ALPK2: variants seen among roughly 807,000 people sequenced by gnomAD.
The protein encoded by ALPK2 is alpha kinase 2.
In ALPK2, 127 loss-of-function variants were observed where a neutral mutation model predicts 163.1. The ratio of observed to expected loss-of-function variants is 0.78; its 90% CI spans 0.67 to 0.90. ALPK2 has a LOEUF of 0.90. Among genes scored for constraint, ALPK2 ranks in the 40% least tolerant of loss-of-function variants. The pLI is 0.00. For synonymous variants in ALPK2, 953 were observed against 959.1 expected, an observed-to-expected ratio of 0.99 and a Z score of 0.12; for missense variants, 2,360 against 2,589.6, an observed-to-expected ratio of 0.91 and a Z score of 1.92.
At position 58,537,832 on chromosome 18, in the gene ALPK2, G is replaced by C; in HGVS notation, c.2355C>G (p.Ala785=). The change falls in exon 5 of 13, where the codon GCC becomes GCG. Residue 785 remains alanine, a synonymous_variant. Coordinates refer to ENST00000361673, the MANE Select transcript of ALPK2 (RefSeq NM_052947.4). ...CATCACACACATTTTCCAGGGTGAG[G>C]GCAGTATCTGTGGGTTCAGGGGAAG... ...SVASPEPTDT[A]LTLENVCDEP... is the part of the protein sequence containing the mutation. 5.0e-6 allele frequency: 8 copies of C among 1,614,092 alleles called. No homozygotes were observed. The highest frequency in any genetic ancestry group is 6.8e-6 in the Non-Finnish European group (8 of 1,180,022).
At chr18:58,485,532 A>G (rs1295470446) in intron 12 of ALPK2, among the ~76,000 whole-genome samples, 1 of 152,214 alleles carries the variant, frequency 6.6e-6, no homozygotes, top group Non-Finnish European at 1.5e-5. Flanking sequence ...GCCTTGGGAA[A>G]AATGACTTGG....
At position 58,537,734 on chromosome 18, in the gene ALPK2, G is replaced by C. The variant is rs2051661454; in HGVS notation, c.2453C>G (p.Thr818Ser). 6.2e-7 allele frequency: 1 copy of C among 1,613,988 alleles called. No homozygotes were observed. The highest frequency in any genetic ancestry group is 1.3e-5 in the African/African-American group (1 of 74,912). Reference protein sequence around the residue: ...EAGDQGTCFDTIDSLVGRPVD... With the variant: ...EAGDQGTCFDSIDSLVGRPVD... ...TGGTCTCCCAACAAGAGAATCTATG[G>C]TATCAAAACACGTTCCTTGGTCACC... The change falls in exon 5 of 13, where the codon ACC (threonine) becomes AGC (serine). Residue 818 changes from threonine (T) to serine (S), a missense_variant. Thr to Ser is a moderately conservative substitution (Grantham distance 58). Transcript: ENST00000361673.
chr18:58,503,663 T>C (rs1002217948), intron 11 of ALPK2, among the ~76,000 whole-genome samples: 10 of 152,180 alleles, frequency 6.6e-5, no homozygotes, highest in African/African-American at 2.4e-4. Context: ...CGTGCCACTG[T>C]ACTCCAGCCT....
intron 4 of ALPK2, among the ~76,000 whole-genome samples, chr18:58,562,307 A>T (rs2051829476): frequency 6.6e-6 from 1 of 152,250 alleles, no homozygotes; most frequent in Non-Finnish European, 1.5e-5. Context: ...GACCTATAGA[A>T]GTTGAGATGA....
At chr18:58,515,230 T>A in intron 9 of ALPK2, 149 bp from the exon 10 acceptor site, 2 of 546,130 alleles carry the variant, frequency 3.7e-6, no homozygotes, top group Non-Finnish European at 6.3e-6. Flanking sequence ...AGGCAACGAT[T>A]ATTAGAACCT....
chr18:58,528,853 T>G, intron 6 of ALPK2: 1 of 503,334 alleles, frequency 2.0e-6, no homozygotes, highest in Non-Finnish European at 3.5e-6. Context: ...AAAGGTTGTG[T>G]GACTTCCCAA....
At chr18:58,522,457 C>T (rs1387654675) in intron 8 of ALPK2, among the ~76,000 whole-genome samples, 2 of 152,308 alleles carry the variant, frequency 1.3e-5, no homozygotes, top group East Asian at 3.9e-4. Context: ...ACACAGATTC[C>T]ACCAAACTGT....
chr18:58,526,563 G>T (rs540254311), intron 6 of ALPK2, among the ~76,000 whole-genome samples: 6 of 152,262 alleles, frequency 3.9e-5, no homozygotes, highest in Admixed American at 3.9e-4. Context: ...AACTCAGAAG[G>T]ACCTCTCTCC....
intron 4 of ALPK2, among the ~76,000 whole-genome samples, chr18:58,575,463 T>TTACTGTACACTTGTGATCCC (rs2051915563): frequency 6.6e-6 from 1 of 152,184 alleles, no homozygotes; most frequent in African/African-American, 2.4e-5. Context: ...ACACATTTCC[T>TTACTGTACACTTGTGATCCC]TACTGTACAC....
intron 12 of ALPK2, among the ~76,000 whole-genome samples, chr18:58,490,948 C>T (rs2051371464): frequency 1.3e-5 from 2 of 152,118 alleles, no homozygotes; most frequent in Admixed American, 6.5e-5. Context: ...ACAGTCCATT[C>T]GTTAGTATCT....
At chr18:58,569,299 C>T (rs537023721) in intron 4 of ALPK2, among the ~76,000 whole-genome samples, 15 of 152,312 alleles carry the variant, frequency 9.8e-5, no homozygotes, top group Non-Finnish European at 1.6e-4. Context: ...GAGCTTCCAA[C>T]GCCCACACTG....
chr18:58,580,012 T>C lies in ALPK2; in HGVS notation c.764A>G (p.Glu255Gly), dbSNP rs2051948405. The change falls in exon 4 of 13, where the codon GAA becomes GGA. Residue 255 changes from glutamate (E) to glycine (G), a missense_variant. Physicochemically the swap from Glu to Gly is moderately conservative, Grantham distance 98. Transcript: ENST00000361673. ...ATTTTGCTGACTAGAGCGTAAGCCT[T>C]CATCATGAGGACCATCATTGTTCAG... ...GDLNNDGPHD[E>G]GLRSSQQNPK... The C allele has an allele frequency of 1.2e-6, 2 of 1,614,244 alleles. No individual in the cohort carries two copies. The highest frequency in any genetic ancestry group is 1.7e-6 in the Non-Finnish European group (2 of 1,180,036).
chr18:58,493,143 G>T (rs1478498859), intron 12 of ALPK2, among the ~76,000 whole-genome samples: 1 of 152,124 alleles, frequency 6.6e-6, no homozygotes, highest in Admixed American at 6.5e-5. Flanking sequence ...GCTATCTGGG[G>T]CATAAAATTG....
intron 11 of ALPK2, among the ~76,000 whole-genome samples, chr18:58,500,253 A>AC (rs1288862488): frequency 0.016 from 1,951 of 118,568 alleles, 33 homozygotes; most frequent in African/African-American, 0.053. Flanking sequence ...AAAAAAAAAA[A>AC]ACCCACCAAA....
At chr18:58,504,840 G>T (rs956221259) in intron 10 of ALPK2, among the ~76,000 whole-genome samples, 2 of 152,084 alleles carry the variant, frequency 1.3e-5, no homozygotes, top group South Asian at 2.1e-4. Flanking sequence ...TTGAGTAGAG[G>T]CCTATAGGAA....
intron 8 of ALPK2, among the ~76,000 whole-genome samples, chr18:58,518,923 A>T (rs2051535771): frequency 6.6e-6 from 1 of 152,222 alleles, no homozygotes; most frequent in Admixed American, 6.5e-5. Context: ...AGTATCTCCC[A>T]TGTATATATG....
intron 1 of ALPK2, among the ~76,000 whole-genome samples, chr18:58,619,453 A>G (rs926316847): frequency 2.0e-5 from 3 of 152,208 alleles, no homozygotes; most frequent in African/African-American, 7.2e-5. Flanking sequence ...GCTGGTGAGA[A>G]TGTAAAAGTG....
chr18:58,602,869 G>A (rs1225157805), intron 3 of ALPK2, among the ~76,000 whole-genome samples: 5 of 152,102 alleles, frequency 3.3e-5, no homozygotes, highest in Admixed American at 6.5e-5. Flanking sequence ...ACCTCTGGTC[G>A]TCCACATGGC....
chr18:58,623,308 G>A (rs2052212115), intron 1 of ALPK2, among the ~76,000 whole-genome samples: 1 of 152,046 alleles, frequency 6.6e-6, no homozygotes, highest in Admixed American at 6.6e-5. Context: ...CTGGGCTCAA[G>A]CAATCCCCCC....
Sources: allele counts gnomAD v4.1 joint callset (sites outside exome capture counted in the v4.1 genomes callset), GRCh38; gene constraint gnomAD v4.1.1; transcripts MANE v1.5; gene names NCBI Gene and HGNC (gene_info 2026-07-23, HGNC 2026-07-21).